MIX23: variants seen among roughly 807,000 people sequenced by gnomAD.
MIX23 encodes the protein protein MIX23.
In MIX23, 13 loss-of-function variants were observed where a neutral mutation model predicts 21.6. The observed-to-expected ratio is 0.60, with a 90% CI of 0.39 to 0.96. The LOEUF is 0.96. MIX23 is among the 40% of genes least tolerant of loss of function. The probability of loss-of-function intolerance (pLI) is 0.00; values close to 1 mark genes in which losing one functional copy is unlikely to be tolerated. For missense variants in MIX23, 144 were observed against 171.2 expected, an observed-to-expected ratio of 0.84 and a Z score of 0.89; for synonymous variants, 59 against 58.0, an observed-to-expected ratio of 1.02 and a Z score of -0.08.
At chr3:122,372,945 T>C (rs1273390437) in intron 1 of MIX23, 1 of 366,442 alleles carries the variant, frequency 2.7e-6, no homozygotes, top group African/African-American at 2.1e-5. Context: ...AAGCAACGTT[T>C]GATTCTTTTT....
chr3:122,380,850 A>G (rs1047342511), intron 1 of MIX23, among the ~76,000 whole-genome samples: 1 of 152,224 alleles, frequency 6.6e-6, no homozygotes, highest in African/African-American at 2.4e-5. Context: ...AGCTAGTTTC[A>G]AAAATGATAC....
intron 4 of MIX23, among the ~76,000 whole-genome samples, chr3:122,360,453 A>G (rs1014676866): frequency 2.6e-5 from 4 of 152,206 alleles, no homozygotes; most frequent in African/African-American, 9.7e-5. Flanking sequence ...AAAGGTAGAA[A>G]AATACACACA....
At chr3:122,377,113 A>C (rs538812993) in intron 1 of MIX23, among the ~76,000 whole-genome samples, 31 of 152,288 alleles carry the variant, frequency 2.0e-4, no homozygotes, top group Non-Finnish European at 4.3e-4. Context: ...CCCAGCACGC[A>C]GAGGTTGCAG....
At chr3:122,379,442 G>C (rs2075513488) in intron 1 of MIX23, among the ~76,000 whole-genome samples, 1 of 152,142 alleles carries the variant, frequency 6.6e-6, no homozygotes, top group African/African-American at 2.4e-5. Context: ...AGCTGTTAAG[G>C]CAACTCCAAG....
chr3:122,363,635 T>C (rs1429420132), intron 3 of MIX23, among the ~76,000 whole-genome samples: 3 of 151,448 alleles, frequency 2.0e-5, no homozygotes, highest in Non-Finnish European at 4.4e-5. Flanking sequence ...CTGACCTGAA[T>C]AGAGAATTAA....
intron 1 of MIX23, 35 bp downstream of exon 1, chr3:122,383,139 G>A (rs2075548681): frequency 5.0e-6 from 8 of 1,613,154 alleles, no homozygotes; most frequent in Non-Finnish European, 6.8e-6. Flanking sequence ...GACAAAAGGA[G>A]GCACATGCCT....
At chr3:122,381,549 G>A (rs1011231335) in intron 1 of MIX23, among the ~76,000 whole-genome samples, 1 of 152,066 alleles carries the variant, frequency 6.6e-6, no homozygotes, top group Non-Finnish European at 1.5e-5. Flanking sequence ...TCAACATGGT[G>A]AAACCCCATC....
At chr3:122,376,920 C>T (rs1300545258) in intron 1 of MIX23, among the ~76,000 whole-genome samples, 1 of 152,060 alleles carries the variant, frequency 6.6e-6, no homozygotes, top group Non-Finnish European at 1.5e-5. Context: ...TGCAGTGGCT[C>T]ACACCTGTAA....
At chr3:122,361,722 A>G (rs2075360244) in intron 4 of MIX23, among the ~76,000 whole-genome samples, 1 of 152,204 alleles carries the variant, frequency 6.6e-6, no homozygotes, top group Non-Finnish European at 1.5e-5. Flanking sequence ...CAGAGAATAT[A>G]AATGGGAAAT....
intron 1 of MIX23, among the ~76,000 whole-genome samples, chr3:122,382,192 G>A (rs908445547): frequency 6.6e-6 from 1 of 152,210 alleles, no homozygotes; most frequent in Non-Finnish European, 1.5e-5. Flanking sequence ...AATAAGAGTT[G>A]CAAAAATTTT....
chr3:122,377,620 G>A (rs979398221), intron 1 of MIX23, among the ~76,000 whole-genome samples: 20 of 152,136 alleles, frequency 1.3e-4, no homozygotes, highest in South Asian at 2.1e-4. Context: ...AGATTCAGGC[G>A]GGAGGACTGC....
chr3:122,373,165 A>T, intron 1 of MIX23: 1 of 285,874 alleles, frequency 3.5e-6, no homozygotes, highest in Non-Finnish European at 6.8e-6. Context: ...TTTTTTCTAC[A>T]CATACCTATT....
chr3:122,373,013 C>T, intron 1 of MIX23: 1 of 418,414 alleles, frequency 2.4e-6, no homozygotes, highest in Non-Finnish European at 4.8e-6. Flanking sequence ...TGACTGAAAC[C>T]AACTCCTTTC....
chr3:122,374,109 T>TTA, intron 1 of MIX23, among the ~76,000 whole-genome samples: 1 of 145,450 alleles, frequency 6.9e-6, no homozygotes, highest in African/African-American at 2.5e-5. Context: ...CCTATTTTTT[T>TTA]TTTTTTTTTT....
intron 1 of MIX23, among the ~76,000 whole-genome samples, chr3:122,372,782 G>GATC (rs2075452217): frequency 6.6e-6 from 1 of 152,070 alleles, no homozygotes; most frequent in Admixed American, 6.6e-5. Flanking sequence ...AGTGAGCTAT[G>GATC]ATCACACCAC....
chr3:122,379,682 C>G (rs915577858), intron 1 of MIX23, among the ~76,000 whole-genome samples: 1 of 152,210 alleles, frequency 6.6e-6, no homozygotes, highest in African/African-American at 2.4e-5. Context: ...ACTGCAACAC[C>G]TGTCCACAGA....
At chr3:122,371,145 G>C (rs1161815995) in intron 2 of MIX23, among the ~76,000 whole-genome samples, 1 of 152,196 alleles carries the variant, frequency 6.6e-6, no homozygotes, top group East Asian at 1.9e-4. Context: ...AGAAATAAAG[G>C]GGGGCAATGA....
At chr3:122,368,137 A>G in intron 3 of MIX23, 39 bp downstream of exon 3, 1 of 1,602,450 alleles carries the variant, frequency 6.2e-7, no homozygotes, top group Non-Finnish European at 8.5e-7. Context: ...TACAATTGGA[A>G]AAACTTTGCC....
intron 2 of MIX23, among the ~76,000 whole-genome samples, 181 bp downstream of exon 2, chr3:122,371,494 G>A (rs776378767): frequency 6.6e-6 from 1 of 152,178 alleles, no homozygotes; most frequent in Admixed American, 6.5e-5. Flanking sequence ...TTTCACAAGC[G>A]TAAGGTCACA....
Sources: gnomAD v4.1 joint callset for allele counts (sites outside exome capture counted in the v4.1 genomes callset) on GRCh38, gnomAD v4.1.1 for gene constraint, MANE v1.5 for transcripts, NCBI Gene and HGNC (gene_info 2026-07-23, HGNC 2026-07-21) for gene names.